The following CELF2 variants were observed in gnomAD, a reference collection of about 807,000 sequenced individuals.
CELF2 encodes the protein CUGBP Elav-like family member 2, also known as CUG triplet repeat RNA-binding protein 2.
CELF2 carries 8 observed loss-of-function variants against 62.6 expected under a neutral mutation model. That is an observed-to-expected ratio of 0.13 (90% CI 0.07 to 0.23). The LOEUF is 0.23. CELF2 is among the 10% of genes least tolerant of loss of function. The pLI is 1.00. For missense variants in CELF2, 333 were observed against 671.0 expected (o/e 0.50, Z 5.56); for synonymous variants, 258 against 250.0 (o/e 1.03, Z -0.30).
upstream of CELF2, among the ~76,000 whole-genome samples, chr10:11,015,264 A>T (rs1432624936): frequency 6.6e-6 from 1 of 151,962 alleles, no homozygotes; most frequent in Non-Finnish European, 1.5e-5. The surrounding 1 kb of genome is among the most constrained non-coding windows in gnomAD (Gnocchi z 4.8). Context: ...ATCGGGTGGT[A>T]TTTGGTTGGG....
At chr10:10,726,855 G>C in the CELF2 span, among the ~76,000 whole-genome samples, 9 of 152,142 alleles carry the variant, frequency 5.9e-5, no homozygotes, top group African/African-American at 1.9e-4. Context: ...TTCATTTATA[G>C]AGAAAAGAGG....
intron 1 of CELF2, among the ~76,000 whole-genome samples, chr10:11,132,987 A>G (rs949554635): frequency 6.6e-6 from 1 of 152,216 alleles, no homozygotes; most frequent in Non-Finnish European, 1.5e-5. Context: ...GGATGGCAGC[A>G]ATGTTTGGTC....
At position 11,021,278 on chromosome 10, in the gene CELF2, A is replaced by T. The variant is rs181336095; in HGVS notation, c.74+3115A>T. ...GAGTCTACCAATAAATTAAAAATAA[A>T]TTTTTTTTACATTTGGTAGGTAACC... On this transcript the variant is annotated intron_variant, in intron 1 of 12. Transcript: ENST00000633077. 7.2e-3 allele frequency among the ~76,000 whole-genome samples: 1,095 copies of T among 152,236 alleles called. 6 individuals carry two copies. Among genetic ancestry groups the T allele is most frequent in the Admixed American group, 0.011 (175 of 15,270 alleles).
chr10:10,939,909 G>T (rs181454657), intron 2 of CELF2, among the ~76,000 whole-genome samples: 4 of 152,016 alleles, frequency 2.6e-5, no homozygotes, highest in Admixed American at 6.6e-5. Flanking sequence ...AGCCGAGACC[G>T]CACCACTGCA....
At chr10:10,474,772 T>TGA in the CELF2 span, among the ~76,000 whole-genome samples, 1 of 152,070 alleles carries the variant, frequency 6.6e-6, no homozygotes, top group Non-Finnish European at 1.5e-5. Context: ...AGGATTGCTG[T>TGA]GACTGTTCTA....
intron 3 of CELF2, among the ~76,000 whole-genome samples, chr10:11,230,428 G>T (rs1023837548): frequency 6.6e-6 from 1 of 152,200 alleles, no homozygotes; most frequent in Non-Finnish European, 1.5e-5. Context: ...GCACTGTAGG[G>T]CAACCCCGTT....
At chr10:11,233,452 G>A (rs557941647) in intron 3 of CELF2, among the ~76,000 whole-genome samples, 3 of 152,100 alleles carry the variant, frequency 2.0e-5, no homozygotes, top group South Asian at 2.1e-4. Context: ...CCAGGCTTCC[G>A]CTACCTCTAC....
rs940273659 is a variant in CELF2, at chr10:11,300,476, G to A, written c.976+11924G>A. Among the ~76,000 whole-genome samples, 3 of 152,170 alleles carry A rather than the reference G, an allele frequency of 2.0e-5. No homozygotes were observed. Among genetic ancestry groups the A allele is most frequent in the Non-Finnish European group, 4.4e-5 (3 of 68,028 alleles). On this transcript the variant is annotated intron_variant, in intron 9 of 12. Transcript: ENST00000633077. The surrounding 1 kb of genome is among the most constrained non-coding windows in gnomAD (Gnocchi z 5.5). ...AGGTACCCTCTTCCAGGCTGGGAGT[G>A]TGAGGTCACACCTCACCACTGCAGC...
At chr10:10,602,536 T>C in the CELF2 span, among the ~76,000 whole-genome samples, 1 of 152,184 alleles carries the variant, frequency 6.6e-6, no homozygotes, top group Non-Finnish European at 1.5e-5. Flanking sequence ...CCTTTATATT[T>C]ACGCAAAGTC....
chr10:10,959,830 T>G (rs1387457419), intron 2 of CELF2, among the ~76,000 whole-genome samples: 1 of 152,154 alleles, frequency 6.6e-6, no homozygotes, highest in African/African-American at 2.4e-5. Flanking sequence ...TGGTTGAAAA[T>G]GTCTTCTGGA....
chr10:11,291,745 G>A (rs905093705), intron 9 of CELF2, among the ~76,000 whole-genome samples: 1 of 152,154 alleles, frequency 6.6e-6, no homozygotes, highest in Non-Finnish European at 1.5e-5. Context: ...TTTGACGACT[G>A]TGTCTCTGTT....
chr10:10,953,528 T>C (rs1014878333), intron 2 of CELF2, among the ~76,000 whole-genome samples: 1 of 152,224 alleles, frequency 6.6e-6, no homozygotes, highest in African/African-American at 2.4e-5. Context: ...TATATTGTTC[T>C]TCTCTAAGTG....
chr10:10,986,070 A>G (rs906138448), intron 2 of CELF2, among the ~76,000 whole-genome samples: 3 of 152,240 alleles, frequency 2.0e-5, no homozygotes, highest in African/African-American at 7.2e-5. Context: ...TTGTCTCCCA[A>G]GCAACTTCTG....
intron 2 of CELF2, among the ~76,000 whole-genome samples, chr10:11,181,146 AG>A (rs2073239117): frequency 6.6e-6 from 1 of 152,236 alleles, no homozygotes; most frequent in South Asian, 2.1e-4. Context: ...CTGGGATTAC[AG>A]GGGTAAGCCA....
chr10:10,564,734 A>G, the CELF2 span, among the ~76,000 whole-genome samples: 1 of 151,708 alleles, frequency 6.6e-6, no homozygotes, highest in Middle Eastern at 3.4e-3. Flanking sequence ...AAAGCAGCCA[A>G]GTGCCAAAAT....
At chr10:10,509,477 A>G in the CELF2 span, among the ~76,000 whole-genome samples, 10 of 152,194 alleles carry the variant, frequency 6.6e-5, no homozygotes, top group Non-Finnish European at 4.4e-5. Flanking sequence ...GAACAGAGGA[A>G]TCTGACCTCA....
the CELF2 span, among the ~76,000 whole-genome samples, chr10:10,791,815 G>A: frequency 3.9e-5 from 6 of 152,156 alleles, no homozygotes; most frequent in African/African-American, 1.4e-4. Flanking sequence ...ATAGCAATTT[G>A]ACGGAGTAAT....
chr10:10,701,762 A>G, the CELF2 span, among the ~76,000 whole-genome samples: 1 of 152,310 alleles, frequency 6.6e-6, no homozygotes, highest in African/African-American at 2.4e-5. Context: ...GCTAGGGAGA[A>G]CCACGTCCCA....
the CELF2 span, among the ~76,000 whole-genome samples, chr10:10,509,798 G>A: frequency 6.6e-6 from 1 of 152,222 alleles, no homozygotes; most frequent in Non-Finnish European, 1.5e-5. Flanking sequence ...AGGGACCACT[G>A]TAGTCGCTTT....
Sources: gnomAD v4.1 joint callset for allele counts (sites outside exome capture counted in the v4.1 genomes callset) on GRCh38, gnomAD v4.1.1 for gene constraint, Gnocchi (gnomAD v3.1) non-coding constraint, MANE v1.5 for transcripts, NCBI Gene and HGNC (gene_info 2026-07-23, HGNC 2026-07-21) for gene names.